PDXDC1: variants seen among roughly 807,000 people sequenced by gnomAD.
The protein encoded by PDXDC1 is pyridoxal-dependent decarboxylase domain-containing protein 1.
PDXDC1 carries 42 observed loss-of-function variants against 100.1 expected under a neutral mutation model. That is an observed-to-expected ratio of 0.42 (90% CI 0.33 to 0.54). The LOEUF is 0.54. Among genes scored for constraint, PDXDC1 ranks in the 20% least tolerant of loss-of-function variants. The pLI is 0.10. For synonymous variants in PDXDC1, 260 were observed against 371.7 expected, an observed-to-expected ratio of 0.70 and a Z score of 3.46; for missense variants, 636 against 979.2, an observed-to-expected ratio of 0.65 and a Z score of 4.68.
At chr16:14,996,188 GT>G (rs1478775890) in intron 1 of PDXDC1, among the ~76,000 whole-genome samples, 1 of 152,280 alleles carries the variant, frequency 6.6e-6, no homozygotes, top group Non-Finnish European at 1.5e-5. Context: ...GATCCCTTAG[GT>G]CCCTTCTAGA....
chr16:14,981,596 G>A (rs1233849546), intron 1 of PDXDC1, among the ~76,000 whole-genome samples: 1 of 152,284 alleles, frequency 6.6e-6, no homozygotes, highest in African/African-American at 2.4e-5. Flanking sequence ...TCATTATCTG[G>A]AAGTGTTTAC....
chr16:15,150,356 A>C, the PDXDC1 span, among the ~76,000 whole-genome samples: 1 of 148,360 alleles, frequency 6.7e-6, no homozygotes, highest in African/African-American at 2.5e-5. Context: ...ACAATAAATA[A>C]ATAAATAAAT....
intron 16 of PDXDC1, chr16:15,127,366 A>T (rs1398820879): frequency 3.7e-6 from 3 of 810,010 alleles, no homozygotes; most frequent in East Asian, 5.4e-5. Flanking sequence ...CCTTTGGTGG[A>T]CGCCTTTCCC....
intron 16 of PDXDC1, among the ~76,000 whole-genome samples, chr16:15,069,626 G>A (rs1047081780): frequency 6.6e-6 from 1 of 152,142 alleles, no homozygotes; most frequent in African/African-American, 2.4e-5. Flanking sequence ...TTCTAATCCT[G>A]CCACTAACCA....
intron 8 of PDXDC1, among the ~76,000 whole-genome samples, chr16:15,011,234 C>G (rs924457346): frequency 6.6e-6 from 1 of 152,296 alleles, no homozygotes; most frequent in Admixed American, 6.5e-5. Flanking sequence ...ATAGAGAATT[C>G]AGAAATAGAC....
chr16:15,037,562 TATC>T lies in PDXDC1; in HGVS notation c.*1289_*1291del, dbSNP rs2043545195. The T allele has an allele frequency of 6.5e-6, 1 of 153,514 alleles. No individual in the cohort carries two copies. The highest frequency in any genetic ancestry group is 1.4e-5 in the Non-Finnish European group (1 of 69,110). 9.5% of individuals were successfully genotyped at this position (153,514 alleles called of 1,614,324 possible). A position where few individuals can be genotyped will look rare whatever the true frequency, so the allele number is the denominator to read the frequency against. On this transcript the variant is annotated 3_prime_UTR_variant, in exon 23 of 23. Coordinates refer to ENST00000396410, the MANE Select transcript of PDXDC1 (RefSeq NM_015027.4). The stretch of plus-strand genomic sequence containing the variant: ...CAGATAAAATGGGGGAGGGGTAAAT[TATC>T]ACCTTCAAGAAAATTACATGTTTTT...
chr16:15,014,156 G>A (rs1417681766), intron 8 of PDXDC1, among the ~76,000 whole-genome samples: 3 of 151,880 alleles, frequency 2.0e-5, no homozygotes, highest in African/African-American at 4.8e-5. Context: ...GCAGTGAGCC[G>A]AGATTGCGCT....
At chr16:15,064,652 C>G (rs1567185712) in intron 16 of PDXDC1, among the ~76,000 whole-genome samples, 1 of 152,162 alleles carries the variant, frequency 6.6e-6, no homozygotes, top group Non-Finnish European at 1.5e-5. Context: ...AAACAAAAAA[C>G]AAAAAACCCT....
intron 16 of PDXDC1, chr16:15,131,317 A>G: frequency 1.3e-6 from 2 of 1,569,826 alleles, no homozygotes; most frequent in Non-Finnish European, 1.7e-6. Flanking sequence ...CTGGAACGCC[A>G]TCGAGGCCAC....
At chr16:15,033,643 C>T (rs2043207155) in intron 19 of PDXDC1, among the ~76,000 whole-genome samples, 1 of 152,196 alleles carries the variant, frequency 6.6e-6, no homozygotes, top group South Asian at 2.1e-4. Flanking sequence ...GTGTAGTAAC[C>T]CTGCCTTAGA....
rs536998513 is a variant in PDXDC1 at position 15,070,427 on chromosome 16, C to A, written c.1399+40371C>A. On this transcript the variant is annotated intron_variant, in intron 16 of 16. Transcript: ENST00000535621. The stretch of plus-strand genomic sequence containing the variant: ...AAGAAAGGAAGGATAAGGATGGGTG[C>A]GTAGGAAGACAACCTTCCAATTACA... Among the ~76,000 whole-genome samples the A allele has an allele frequency of 5.3e-5, 8 of 151,656 alleles. No individual in the cohort carries two copies. The East Asian group carries it at 1.4e-3, about 26-fold the overall frequency.
At chr16:15,121,876 G>A in intron 16 of PDXDC1, 1 of 190,012 alleles carries the variant, frequency 5.3e-6, no homozygotes, top group South Asian at 6.4e-5. Flanking sequence ...CAGGCGCGGT[G>A]GCTCACGCCT....
chr16:15,149,844 C>G, the PDXDC1 span, among the ~76,000 whole-genome samples: 118,427 of 151,794 alleles, frequency 0.78, 47,300 homozygotes, highest in Admixed American at 0.87. Context: ...ACCTAGGTCA[C>G]TGCCAGCCAG....
intron 16 of PDXDC1, among the ~76,000 whole-genome samples, chr16:15,132,345 C>G (rs1314146468): frequency 5.8e-5 from 1 of 17,242 alleles, no homozygotes; most frequent in Admixed American, 6.2e-4. Flanking sequence ...GGGGCAGGGG[C>G]TAGGGGAGGG....
rs772067260 is a variant in PDXDC1, at chr16:15,127,515, G to A, written c.1400-11364G>A. On this transcript the variant is annotated intron_variant, in intron 16 of 16. Transcript: ENST00000535621. The stretch of plus-strand genomic sequence containing the variant: ...AGAGAAAGAGGATGGCCAGGTAGAC[G>A]GGATAGACAACCACGCTGGACACCA... 8 of 1,541,734 alleles carry A rather than the reference G, an allele frequency of 5.2e-6. No individual in the cohort carries two copies. In the South Asian group the frequency reaches 5.8e-5, roughly 11 times the overall value.
Position 14,984,431 on chromosome 16 carries a change from AAGTGAGAG to A in PDXDC1, c.21+9214_21+9221del, listed in dbSNP as rs1406764282. ...TTTTTTTTTTTTCCAAATCACATAA[AAGTGAGAG>A]AGAGAGAGAGAGAGAGTGTGTGTGT... On this transcript the variant is annotated intron_variant, in intron 1 of 22. Transcript: ENST00000396410. Among the ~76,000 whole-genome samples, 161 of 108,910 alleles carry A rather than the reference AAGTGAGAG, an allele frequency of 1.5e-3. 1 individual carries two copies. Among genetic ancestry groups the A allele is most frequent in the African/African-American group, 4.6e-3 (142 of 31,172 alleles). The allele number at this position is 108,910 out of a possible 152,430, so 71.4% of individuals were successfully genotyped here. A position where few individuals can be genotyped will look rare whatever the true frequency, so the allele number is the denominator to read the frequency against.
chr16:15,065,158 T>G (rs1486417863), intron 16 of PDXDC1: 13 of 1,494,468 alleles, frequency 8.7e-6, no homozygotes, highest in Non-Finnish European at 1.1e-5. Context: ...AGAGTGAGAC[T>G]CCGTCTCAAA....
chr16:15,137,879 C>T (rs1206921377), intron 16 of PDXDC1: 4 of 972,340 alleles, frequency 4.1e-6, no homozygotes, highest in Non-Finnish European at 6.3e-6. Flanking sequence ...TCGCGGCAGC[C>T]ACGCCAGGCC....
At chr16:15,137,317 G>A in intron 16 of PDXDC1, 1 of 1,277,958 alleles carries the variant, frequency 7.8e-7, no homozygotes, top group Non-Finnish European at 1.1e-6. Flanking sequence ...GAGGCGGCGG[G>A]GGGCCGGAGC....
Sources: allele counts gnomAD v4.1 joint callset (sites outside exome capture counted in the v4.1 genomes callset), GRCh38; gene constraint gnomAD v4.1.1; transcripts MANE v1.5; gene names NCBI Gene and HGNC (gene_info 2026-07-23, HGNC 2026-07-21).